The following ADAMTS14 variants were observed in gnomAD, a reference collection of about 807,000 sequenced individuals.
The protein encoded by ADAMTS14 is A disintegrin and metalloproteinase with thrombospondin motifs 14.
ADAMTS14 carries 100 observed loss-of-function variants against 128.6 expected under a neutral mutation model. The ratio of observed to expected loss-of-function variants is 0.78; its 90% CI spans 0.66 to 0.92. ADAMTS14 has a LOEUF of 0.92. ADAMTS14 is among the 40% of genes least tolerant of loss of function. The probability of loss-of-function intolerance (pLI) is 0.00; values close to 1 mark genes in which losing one functional copy is unlikely to be tolerated. For synonymous variants in ADAMTS14, 665 were observed against 653.8 expected (o/e 1.02, Z -0.26); for missense variants, 1,562 against 1,658.6 (o/e 0.94, Z 1.01).
intron 12 of ADAMTS14, 21 bp from the exon 13 acceptor site, chr10:70,743,527 G>C: frequency 6.2e-7 from 1 of 1,609,210 alleles, no homozygotes; most frequent in Non-Finnish European, 8.5e-7. Flanking sequence ...TGGGGACTCA[G>C]CATAGTCCCT....
In ADAMTS14 at chr10:70,702,381, G is replaced by A. The variant is rs199812543; in HGVS notation, c.592G>A (p.Glu198Lys). The change falls in exon 3 of 22, where the codon GAG becomes AAG. Residue 198 changes from glutamate (E) to lysine (K), a missense_variant. Glu to Lys is a moderately conservative substitution (Grantham distance 56). Transcript: ENST00000373207. ...EPLERGQQEK[E>K]ASGRTHVVYR... ...TCTGGAGCGGGGCCAGCAGGAGAAG[G>A]AGGCCAGCGGGAGGACACATGTGGT... The A allele has an allele frequency of 1.2e-6, 2 of 1,614,050 alleles. No homozygotes were observed. Among genetic ancestry groups the A allele is most frequent in the Non-Finnish European group, 1.7e-6 (2 of 1,180,036 alleles).
chr10:70,753,360 G>T (rs1460084179), intron 18 of ADAMTS14, among the ~76,000 whole-genome samples: 1 of 152,186 alleles, frequency 6.6e-6, no homozygotes, highest in Non-Finnish European at 1.5e-5. Flanking sequence ...TGTCCCAGGA[G>T]CCCCATGGGA....
intron 4 of ADAMTS14, among the ~76,000 whole-genome samples, chr10:70,721,009 T>C (rs764252362): frequency 1.3e-5 from 2 of 150,318 alleles, no homozygotes; most frequent in African/African-American, 2.4e-5. Flanking sequence ...GAGAGCTTTT[T>C]CTCTTTTTTC....
At chr10:70,748,123 C>T (rs905351914) in intron 15 of ADAMTS14, among the ~76,000 whole-genome samples, 5 of 152,298 alleles carry the variant, frequency 3.3e-5, no homozygotes, top group East Asian at 3.9e-4. Context: ...TTTAGTAAGC[C>T]TCATGGCCAT....
chr10:70,729,971 G>A, intron 5 of ADAMTS14, 131 bp from the exon 6 acceptor site: 1 of 1,077,396 alleles, frequency 9.3e-7, no homozygotes, highest in Admixed American at 2.5e-5. Context: ...GGGGACAGCT[G>A]GTGATCTTGG....
rs542153118 is a variant in ADAMTS14 at position 70,734,118 on chromosome 10, G to A, written c.1352+90G>A. 224 of 1,524,742 alleles carry A rather than the reference G, an allele frequency of 1.5e-4. 1 individual carries two copies. The African/African-American group carries it at 2.4e-3, about 17-fold the overall frequency. The allele number at this position is 1,524,742 out of a possible 1,614,324, so 94.5% of individuals were successfully genotyped here. A position where few individuals can be genotyped will look rare whatever the true frequency, so the allele number is the denominator to read the frequency against. Reference sequence around the variant, plus strand: ...TCACACAGCTGGCTGGCTTCCCCACGTTGCCCCTGGCTTGACTCTTCCGTG... The same window carrying A: ...TCACACAGCTGGCTGGCTTCCCCACATTGCCCCTGGCTTGACTCTTCCGTG... On this transcript the variant is annotated intron_variant, in intron 8 of 21. Transcript: ENST00000373207.
At chr10:70,707,597 C>T (rs1840705950) in intron 3 of ADAMTS14, among the ~76,000 whole-genome samples, 1 of 152,182 alleles carries the variant, frequency 6.6e-6, no homozygotes, top group Non-Finnish European at 1.5e-5. Flanking sequence ...CAAGTTGTTA[C>T]CCTTCTACGT....
At chr10:70,689,044 C>CT (rs1840106844) in intron 2 of ADAMTS14, among the ~76,000 whole-genome samples, 1 of 143,620 alleles carries the variant, frequency 7.0e-6, no homozygotes, top group African/African-American at 2.5e-5. Context: ...GGCCCACACT[C>CT]TATGAGTTAG....
intron 4 of ADAMTS14, among the ~76,000 whole-genome samples, chr10:70,712,625 A>T (rs944369016): frequency 2.0e-5 from 3 of 152,056 alleles, no homozygotes; most frequent in African/African-American, 7.2e-5. Flanking sequence ...AGCCTCTGCC[A>T]GAGAAGATGG....
At chr10:70,699,416 C>A (rs1292908131) in intron 2 of ADAMTS14, among the ~76,000 whole-genome samples, 1 of 152,124 alleles carries the variant, frequency 6.6e-6, no homozygotes, top group African/African-American at 2.4e-5. Flanking sequence ...GAAGTGTGTT[C>A]ATGCTGAATA....
At chr10:70,732,483 G>A in intron 7 of ADAMTS14, 124 bp downstream of exon 7, 1 of 861,428 alleles carries the variant, frequency 1.2e-6, no homozygotes, top group Non-Finnish European at 1.8e-6. Flanking sequence ...TGTCAGAGGA[G>A]CTGGACTGCC....
At chr10:70,757,184 A>G (rs1038946242) in intron 19 of ADAMTS14, among the ~76,000 whole-genome samples, 25 of 152,044 alleles carry the variant, frequency 1.6e-4, no homozygotes, top group African/African-American at 6.0e-4. Flanking sequence ...GGACCTCCAC[A>G]TTCCCTGTTT....
At chr10:70,700,576 G>T (rs776522729) in intron 2 of ADAMTS14, among the ~76,000 whole-genome samples, 2 of 152,220 alleles carry the variant, frequency 1.3e-5, no homozygotes, top group Non-Finnish European at 2.9e-5. Context: ...GTGGTGGCAA[G>T]AGTGTTGGGC....
At chr10:70,728,857 C>T (rs776045587) in intron 4 of ADAMTS14, among the ~76,000 whole-genome samples, 5 of 152,132 alleles carry the variant, frequency 3.3e-5, no homozygotes, top group South Asian at 2.1e-4. Flanking sequence ...TCCCCAGGGC[C>T]GGGGTACTGT....
At chr10:70,692,275 G>A (rs1206754242) in intron 2 of ADAMTS14, among the ~76,000 whole-genome samples, 1 of 152,156 alleles carries the variant, frequency 6.6e-6, no homozygotes, top group Non-Finnish European at 1.5e-5. Flanking sequence ...GGCGGAGGAG[G>A]GAAGTAAAGG....
chr10:70,739,232 G>A (rs1407340766), intron 11 of ADAMTS14, among the ~76,000 whole-genome samples: 7 of 152,212 alleles, frequency 4.6e-5, no homozygotes, highest in African/African-American at 1.4e-4. Flanking sequence ...AAGCTCATGC[G>A]CAGAAGATTC....
chr10:70,736,619 A>G (rs1861517), intron 9 of ADAMTS14, 61 bp from the exon 10 acceptor site: 1,495,185 of 1,503,598 alleles, frequency 0.99, 743,469 homozygotes, highest in East Asian at 1. Flanking sequence ...CTCCATCACT[A>G]CCCTTTGTTC....
At chr10:70,687,373 C>T (rs1840007698) in intron 2 of ADAMTS14, among the ~76,000 whole-genome samples, 3 of 70,652 alleles carry the variant, frequency 4.2e-5, no homozygotes, top group African/African-American at 9.2e-5. Flanking sequence ...GGCGGCTGGC[C>T]GGGCAGAGGG....
Position 70,758,030 on chromosome 10 carries a change from CG to C in ADAMTS14, c.3009del (p.His1004IlefsTer27). The C allele has an allele frequency of 6.2e-7, 1 of 1,613,610 alleles. No homozygotes were observed. Among genetic ancestry groups the C allele is most frequent in the Non-Finnish European group, 8.5e-7 (1 of 1,179,892 alleles). ...VVCRTNANSL[G>X]HCEGDRPDTV... ...TGTGCAGGACCAACGCCAACAGCCT[CG>C]GGCATTGCGAGGGGGATAGGCCAGA... On this transcript the variant is annotated frameshift_variant, in exon 20 of 22. Transcript: ENST00000373207.
Sources: allele counts gnomAD v4.1 joint callset (sites outside exome capture counted in the v4.1 genomes callset), GRCh38; gene constraint gnomAD v4.1.1; transcripts MANE v1.5; gene names NCBI Gene and HGNC (gene_info 2026-07-23, HGNC 2026-07-21).